Variants in PTCD3 observed in about 807,000 individuals in gnomAD.
The protein encoded by PTCD3 is pentatricopeptide repeat domain 3, also known as small ribosomal subunit protein mS39.
A neutral mutation model predicts 101.9 loss-of-function variants in PTCD3; 89 were observed. The ratio of observed to expected loss-of-function variants is 0.87; its 90% CI spans 0.74 to 1.04. The LOEUF (loss-of-function observed/expected upper bound fraction) is 1.04, where lower values mean the gene tolerates loss of function less well. Among genes scored for constraint, PTCD3 ranks in the 50% least tolerant of loss-of-function variants. The probability of loss-of-function intolerance (pLI) is 0.00; values close to 1 mark genes in which losing one functional copy is unlikely to be tolerated. For synonymous variants in PTCD3, 296 were observed against 278.5 expected, an observed-to-expected ratio of 1.06 and a Z score of -0.63; for missense variants, 870 against 828.2, an observed-to-expected ratio of 1.05 and a Z score of -0.62.
chr2:86,129,486 G>T (rs1674456623), intron 14 of PTCD3, among the ~76,000 whole-genome samples: 1 of 152,110 alleles, frequency 6.6e-6, no homozygotes, highest in Non-Finnish European at 1.5e-5. Flanking sequence ...TACTAAACAT[G>T]AAAAAAGTAG....
chr2:86,130,910 T>C, intron 15 of PTCD3, 168 bp from the exon 16 acceptor site: 3 of 1,448,106 alleles, frequency 2.1e-6, no homozygotes, highest in Non-Finnish European at 1.8e-6. Context: ...CCATGGTCTT[T>C]CTGAGAAAGC....
intron 14 of PTCD3, among the ~76,000 whole-genome samples, chr2:86,128,646 T>C (rs887260557): frequency 1.3e-5 from 2 of 152,174 alleles, no homozygotes; most frequent in South Asian, 2.1e-4. Flanking sequence ...GGTAAACTTA[T>C]TGTGAAGCGT....
At chr2:86,113,674 G>C (rs534087288) in intron 4 of PTCD3, among the ~76,000 whole-genome samples, 28 of 152,096 alleles carry the variant, frequency 1.8e-4, no homozygotes, top group Admixed American at 4.6e-4. Context: ...GAGCGTGGTA[G>C]TATGCGCCTG....
At position 86,119,004 on chromosome 2, in the gene PTCD3, C is replaced by G; in HGVS notation, c.498C>G (p.Val166=). 5 of 1,614,088 alleles carry G rather than the reference C, an allele frequency of 3.1e-6. No individual in the cohort carries two copies. The highest frequency in any genetic ancestry group is 4.2e-6 in the Non-Finnish European group (5 of 1,180,016). The change falls in exon 7 of 24, where the codon GTC becomes GTG. Residue 166 remains valine (V), a synonymous_variant. Transcript: ENST00000254630. ...AGGAACGAATTGAGCTCAGAAAAGT[C>G]AAAGCCTCTGTGGACATGTTTGATC... ...ALKERIELRK[V]KASVDMFDQL... is the part of the protein sequence containing the mutation.
intron 21 of PTCD3, 166 bp downstream of exon 21, chr2:86,135,153 A>G (rs1446405321): frequency 1.1e-5 from 7 of 652,172 alleles, no homozygotes; most frequent in Non-Finnish European, 1.8e-5. Context: ...GACAGTATGC[A>G]TGATGTAGTT....
chr2:86,107,494 G>A (rs1673981939), intron 1 of PTCD3, among the ~76,000 whole-genome samples: 1 of 152,176 alleles, frequency 6.6e-6, no homozygotes, highest in South Asian at 2.1e-4. Flanking sequence ...ATGCCATTTA[G>A]TAAGGGGAAA....
Position 86,140,453 on chromosome 2 carries a change from TTG to T in PTCD3, c.*2897_*2898del, listed in dbSNP as rs1674663576. The T allele has an allele frequency of 1.3e-5, 2 of 152,284 alleles. No individual in the cohort carries two copies. Among genetic ancestry groups the T allele is most frequent in the South Asian group, 4.1e-4 (2 of 4,822 alleles). The allele number at this position is 152,284 out of a possible 1,614,324, so 9.4% of individuals were successfully genotyped here. Reference sequence around the variant, plus strand: ...ACATCTAAGCACGTCACCTACAGTTTTGTGATGGTGCATTTTTGCATTGCAGT... The same window carrying T: ...ACATCTAAGCACGTCACCTACAGTTTTGATGGTGCATTTTTGCATTGCAGT... On this transcript the variant is annotated 3_prime_UTR_variant, in exon 24 of 24. Coordinates refer to ENST00000254630, the MANE Select transcript of PTCD3 (RefSeq NM_017952.6).
chr2:86,125,220 C>A, intron 10 of PTCD3, 138 bp downstream of exon 10: 2 of 1,375,680 alleles, frequency 1.5e-6, no homozygotes, highest in Non-Finnish European at 1.9e-6. Flanking sequence ...AGCTCCCTGG[C>A]TTCTACCCAC....
chr2:86,124,642 G>A (rs1674349986), intron 9 of PTCD3, among the ~76,000 whole-genome samples: 1 of 152,230 alleles, frequency 6.6e-6, no homozygotes. Flanking sequence ...TTGCCTCTGG[G>A]AAGTAGTATC....
intron 4 of PTCD3, among the ~76,000 whole-genome samples, chr2:86,116,278 A>G (rs1163492790): frequency 2.0e-5 from 3 of 152,234 alleles, no homozygotes; most frequent in African/African-American, 7.2e-5. Flanking sequence ...GCTCACGTCT[A>G]TAATCCTAGC....
At chr2:86,108,712 T>C (rs1674014869) in intron 3 of PTCD3, 176 bp downstream of exon 3, 2 of 542,620 alleles carry the variant, frequency 3.7e-6, no homozygotes, top group South Asian at 3.8e-5. Flanking sequence ...AGGTGGAGAA[T>C]AGTGAGTGAA....
chr2:86,129,470 C>T (rs1674456558), intron 14 of PTCD3, among the ~76,000 whole-genome samples: 1 of 152,056 alleles, frequency 6.6e-6, no homozygotes, highest in Admixed American at 6.6e-5. Flanking sequence ...GAGAGACCTC[C>T]ATGTCTACTA....
In PTCD3 at chr2:86,134,914, C is replaced by G; in HGVS notation, c.1705C>G (p.Gln569Glu). The change falls in exon 21 of 24, where the codon CAG (glutamine) becomes GAG (glutamate). Residue 569 changes from glutamine to glutamate, a missense_variant. Gln to Glu is a conservative substitution (Grantham distance 29). Coordinates refer to ENST00000254630, the MANE Select transcript of PTCD3 (RefSeq NM_017952.6). ...AAGCCAACCCATCAGACAGACTGCT[C>G]AGGATTGGCCAGCCACCTCTCTCAA... Reference protein sequence around the residue: ...YESQPIRQTAQDWPATSLNCI... With the variant: ...YESQPIRQTAEDWPATSLNCI... 1.2e-6 allele frequency: 2 copies of G among 1,614,128 alleles called. No homozygotes were observed. Among genetic ancestry groups the G allele is most frequent in the Non-Finnish European group, 1.7e-6 (2 of 1,179,994 alleles).
chr2:86,110,524 A>G (rs1420391914), intron 3 of PTCD3, among the ~76,000 whole-genome samples: 1 of 152,204 alleles, frequency 6.6e-6, no homozygotes, highest in Non-Finnish European at 1.5e-5. Context: ...AGCCTTTTCT[A>G]ATAGTTCAGT....
chr2:86,109,406 CAA>C (rs5832671), intron 3 of PTCD3, among the ~76,000 whole-genome samples: 1 of 142,368 alleles, frequency 7.0e-6, no homozygotes, highest in Non-Finnish European at 1.5e-5. Flanking sequence ...GACTCCATCT[CAA>C]AAAAAAAAAA....
At position 86,108,494 on chromosome 2, in the gene PTCD3, C is replaced by T; in HGVS notation, c.158-6C>T. On this transcript the variant is annotated splice_region_variant and splice_polypyrimidine_tract_variant and intron_variant, in intron 2 of 23. Transcript: ENST00000254630. ...AAACTGATTCATGTTTTCTTTTTTA[C>T]ATTAGGGATTGAAGAAGTAGTAATT... is the stretch of plus-strand genomic sequence containing the variant. The T allele has an allele frequency of 1.9e-6, 3 of 1,593,022 alleles. No homozygotes were observed. The highest frequency in any genetic ancestry group is 2.2e-5 in the East Asian group (1 of 44,612).
At chr2:86,134,694 T>A in intron 20 of PTCD3, 145 bp from the exon 21 acceptor site, 2 of 971,828 alleles carry the variant, frequency 2.1e-6, no homozygotes, top group Non-Finnish European at 3.1e-6. Flanking sequence ...GGTCCTTTTT[T>A]TATTAAATTA....
At position 86,112,721 on chromosome 2, in the gene PTCD3, C is replaced by A. The variant is rs77397176; in HGVS notation, c.240+1563C>A. Among the ~76,000 whole-genome samples, 1,006 of 148,860 alleles carry A rather than the reference C, an allele frequency of 6.8e-3. 13 individuals carry two copies. The highest frequency in any genetic ancestry group is 0.023 in the African/African-American group (935 of 40,584). On this transcript the variant is annotated intron_variant, in intron 4 of 23. Coordinates refer to ENST00000254630, the MANE Select transcript of PTCD3 (RefSeq NM_017952.6). ...AAAAAAAAATTTAAAATAAAATTAT[C>A]AAATCCCTTTATTTGGCAAAGGAGG...
intron 19 of PTCD3, 101 bp from the exon 20 acceptor site, chr2:86,134,191 C>T (rs189521011): frequency 1.3e-4 from 107 of 815,832 alleles, no homozygotes; most frequent in Non-Finnish European, 7.8e-6. Context: ...GAATAAATAA[C>T]AGCAACTTAT....
Sources: gnomAD v4.1 joint callset for allele counts (sites outside exome capture counted in the v4.1 genomes callset) on GRCh38, gnomAD v4.1.1 for gene constraint, MANE v1.5 for transcripts, NCBI Gene and HGNC (gene_info 2026-07-23, HGNC 2026-07-21) for gene names.